Variants in CD226 observed in about 807,000 individuals in gnomAD.
The protein encoded by CD226 is CD226 antigen.
Under a neutral mutation model 34.9 loss-of-function variants are expected in CD226, and 24 were observed. The ratio of observed to expected loss-of-function variants is 0.69; its 90% confidence interval spans 0.50 to 0.97. The LOEUF (loss-of-function observed/expected upper bound fraction) is 0.97, where lower values mean the gene tolerates loss of function less well. Ranked by LOEUF, CD226 falls within the 50% of genes least tolerant of loss-of-function variation. The pLI is 0.00. For missense variants in CD226, 397 were observed against 412.7 expected, an observed-to-expected ratio of 0.96 and a Z score of 0.33; for synonymous variants, 148 against 147.4, an observed-to-expected ratio of 1.00 and a Z score of -0.03.
chr18:69,959,004 A>G (rs938278524), upstream of CD226, among the ~76,000 whole-genome samples: 1 of 152,164 alleles, frequency 6.6e-6, no homozygotes, highest in Non-Finnish European at 1.5e-5. Context: ...AAATATGGTA[A>G]TAAATACAAA....
intron 2 of CD226, among the ~76,000 whole-genome samples, chr18:69,944,772 G>A (rs1159469916): frequency 6.6e-6 from 1 of 152,168 alleles, no homozygotes; most frequent in East Asian, 1.9e-4. Flanking sequence ...AAACTTCCAA[G>A]CAGGATTTAA....
At chr18:69,929,635 A>T (rs1279664250) in intron 2 of CD226, among the ~76,000 whole-genome samples, 2 of 152,078 alleles carry the variant, frequency 1.3e-5, no homozygotes, top group Non-Finnish European at 2.9e-5. Flanking sequence ...CCACATTTGC[A>T]TCTCCAACCC....
intron 3 of CD226, among the ~76,000 whole-genome samples, chr18:69,884,859 G>C (rs1048973232): frequency 6.6e-6 from 1 of 152,200 alleles, no homozygotes; most frequent in Non-Finnish European, 1.5e-5. Flanking sequence ...GTAATGGGTT[G>C]TATCTACTTG....
chr18:69,923,458 T>C (rs913705492), intron 2 of CD226, among the ~76,000 whole-genome samples: 1 of 152,166 alleles, frequency 6.6e-6, no homozygotes, highest in Admixed American at 6.5e-5. Context: ...CCATCAGCTC[T>C]GGCCTTTTTA....
At chr18:69,872,799 C>T (rs1335579980) in intron 4 of CD226, among the ~76,000 whole-genome samples, 1 of 152,154 alleles carries the variant, frequency 6.6e-6, no homozygotes, top group Non-Finnish European at 1.5e-5. Context: ...AAACCTTGTT[C>T]TTCCCCTTCT....
At chr18:69,898,801 G>A (rs1985447133) in intron 2 of CD226, among the ~76,000 whole-genome samples, 1 of 152,148 alleles carries the variant, frequency 6.6e-6, no homozygotes, top group Non-Finnish European at 1.5e-5. Flanking sequence ...GCAAAGCTCA[G>A]TGGAAGGCAG....
intron 2 of CD226, among the ~76,000 whole-genome samples, chr18:69,940,192 G>GT (rs2055706046): frequency 1.3e-5 from 2 of 152,170 alleles, no homozygotes; most frequent in Non-Finnish European, 2.9e-5. Context: ...CACCATGATT[G>GT]TAAGTTTCCT....
chr18:69,873,239 G>A lies in CD226; in HGVS notation c.735C>T (p.Thr245=), dbSNP rs772621453. 28 of 1,580,474 alleles carry A rather than the reference G, an allele frequency of 1.8e-5. No individual in the cohort carries two copies. In the South Asian group the frequency reaches 2.1e-4, roughly 12 times the overall value. Residue 245 remains threonine (T), a synonymous_variant, in exon 4 of 6, where the codon ACC becomes ACT. Transcript: ENST00000582621. ...CCACAAAGAGGGTATATTGGTTATC[G>A]GTTTTACCTAGGAGAGAAAAAAAAT... ...VMRLTVAEGK[T]DNQYTLFVAG...
At chr18:69,888,753 TTC>T (rs1218700745) in intron 3 of CD226, among the ~76,000 whole-genome samples, 7 of 152,286 alleles carry the variant, frequency 4.6e-5, no homozygotes, top group African/African-American at 1.7e-4. Context: ...TATAGTGGTG[TTC>T]TGTTAGAACT....
chr18:69,936,048 G>C (rs1445184598), intron 2 of CD226, among the ~76,000 whole-genome samples: 1 of 152,144 alleles, frequency 6.6e-6, no homozygotes, highest in Non-Finnish European at 1.5e-5. Context: ...GGGCATAAAG[G>C]AGGTGAAGGA....
rs959734689 is a variant in CD226, at chr18:69,853,281, G to A, written c.*11033C>T. The A allele has an allele frequency of 1.3e-5, 2 of 152,194 alleles. No individual in the cohort carries two copies. Among genetic ancestry groups the A allele is most frequent in the Non-Finnish European group, 2.9e-5 (2 of 68,042 alleles). 9.4% of individuals were successfully genotyped at this position (152,194 alleles called of 1,614,324 possible). A position where few individuals can be genotyped will look rare whatever the true frequency, so the allele number is the denominator to read the frequency against. ...CAAACTATGAGGCAAGTCTGTAGAC[G>A]TAGGTCTTTATTTCACATTAAAATG... On this transcript the variant is annotated 3_prime_UTR_variant, in exon 6 of 6. Coordinates refer to ENST00000582621, the MANE Select transcript of CD226 (RefSeq NM_001303618.2).
upstream of CD226, among the ~76,000 whole-genome samples, chr18:69,958,066 G>C (rs1331865802): frequency 6.6e-6 from 1 of 152,168 alleles, no homozygotes; most frequent in Non-Finnish European, 1.5e-5. Flanking sequence ...CCATCCAGCA[G>C]GTCTCAGCTC....
chr18:69,900,850 A>C (rs1006768494), intron 2 of CD226, among the ~76,000 whole-genome samples: 1 of 152,064 alleles, frequency 6.6e-6, no homozygotes, highest in Non-Finnish European at 1.5e-5. Context: ...ATTTTTATTG[A>C]TTTTGGGGGA....
chr18:69,959,777 G>A (rs1006688956), upstream of CD226, among the ~76,000 whole-genome samples: 23 of 152,170 alleles, frequency 1.5e-4, no homozygotes, highest in African/African-American at 5.1e-4. Context: ...GCTGACTGAC[G>A]ATACCTGAGC....
At chr18:69,882,458 T>C (rs1984320479) in intron 3 of CD226, among the ~76,000 whole-genome samples, 1 of 152,186 alleles carries the variant, frequency 6.6e-6, no homozygotes, top group Non-Finnish European at 1.5e-5. Flanking sequence ...TCCACAGTGA[T>C]TGGTGTATGG....
intron 2 of CD226, among the ~76,000 whole-genome samples, chr18:69,908,748 C>T (rs557062681): frequency 6.6e-6 from 1 of 152,328 alleles, no homozygotes; most frequent in East Asian, 1.9e-4. Context: ...TGTTCTTTAG[C>T]AAAATCCTAT....
chr18:69,868,782 T>TGCGCAC (rs1983306668), intron 4 of CD226, among the ~76,000 whole-genome samples: 1 of 146,144 alleles, frequency 6.8e-6, no homozygotes, highest in Non-Finnish European at 1.5e-5. Context: ...CACATGCACA[T>TGCGCAC]GCGCACACGT....
chr18:69,899,728 A>G (rs1262453065), intron 2 of CD226, among the ~76,000 whole-genome samples: 2 of 152,234 alleles, frequency 1.3e-5, no homozygotes, highest in Non-Finnish European at 2.9e-5. Context: ...TGACAATGAG[A>G]CACCATCTCA....
chr18:69,941,437 A>T (rs2145356193), intron 2 of CD226, among the ~76,000 whole-genome samples: 1 of 152,374 alleles, frequency 6.6e-6, no homozygotes, highest in East Asian at 1.9e-4. Context: ...AGAGGGGTGG[A>T]GCTGCCCAAG....
Sources: gnomAD v4.1 joint callset for allele counts (sites outside exome capture counted in the v4.1 genomes callset) on GRCh38, gnomAD v4.1.1 for gene constraint, MANE v1.5 for transcripts, NCBI Gene and HGNC (gene_info 2026-07-23, HGNC 2026-07-21) for gene names.